The following OR1B1 variants were observed in gnomAD, a reference collection of about 807,000 sequenced individuals.
The protein encoded by OR1B1 is olfactory receptor 1B1.
For missense variants in OR1B1, 414 were observed against 402.1 expected (o/e 1.03, Z -0.25); for synonymous variants, 168 against 156.2 (o/e 1.08, Z -0.57).
upstream of OR1B1, among the ~76,000 whole-genome samples, chr9:122,631,970 C>G (rs535758807): frequency 2.6e-4 from 40 of 152,096 alleles, no homozygotes; most frequent in African/African-American, 8.7e-4. Flanking sequence ...TTCTAGAACT[C>G]TCAAAATAAA....
At chr9:122,636,846 G>A in the OR1B1 span, among the ~76,000 whole-genome samples, 1 of 152,210 alleles carries the variant, frequency 6.6e-6, no homozygotes, top group South Asian at 2.1e-4. Flanking sequence ...TTAACTATGT[G>A]ATCTTAAGCA....
At chr9:122,636,618 A>G in the OR1B1 span, among the ~76,000 whole-genome samples, 1 of 152,078 alleles carries the variant, frequency 6.6e-6, no homozygotes, top group Non-Finnish European at 1.5e-5. Context: ...CTCTGTCTCA[A>G]AAATAAATAA....
chr9:122,629,434 C>T, exon 1 of OR1B1: 1 of 1,613,894 alleles, frequency 6.2e-7, no homozygotes, highest in South Asian at 1.1e-5. Flanking sequence ...GGTAAATAGC[C>T]AGGAACAGGA....
the OR1B1 span, among the ~76,000 whole-genome samples, chr9:122,636,289 T>A: frequency 2.0e-5 from 3 of 152,224 alleles, no homozygotes; most frequent in Non-Finnish European, 2.9e-5. Flanking sequence ...TATGAACCCA[T>A]GTAGATACAC....
upstream of OR1B1, among the ~76,000 whole-genome samples, chr9:122,630,568 A>C (rs1467276534): frequency 2.0e-5 from 3 of 152,250 alleles, no homozygotes; most frequent in African/African-American, 4.8e-5. Flanking sequence ...AACTTTCAAT[A>C]TGTGACTCCT....
chr9:122,633,798 G>T (rs1292184890), upstream of OR1B1, among the ~76,000 whole-genome samples: 1 of 151,464 alleles, frequency 6.6e-6, no homozygotes, highest in Non-Finnish European at 1.5e-5. Context: ...GGCATGGTGG[G>T]ACATGCCTGT....
the OR1B1 span, among the ~76,000 whole-genome samples, chr9:122,640,228 A>G: frequency 1.3e-4 from 20 of 152,054 alleles, no homozygotes; most frequent in African/African-American, 4.1e-4. Flanking sequence ...CTATAATACT[A>G]TAAAATTATT....
chr9:122,629,337 C>T, exon 1 of OR1B1: 1 of 1,614,054 alleles, frequency 6.2e-7, no homozygotes, highest in East Asian at 2.2e-5. Flanking sequence ...ACAGAGAGGC[C>T]ACGAAGCAGA....
At chr9:122,629,201 G>C in exon 1 of OR1B1, 1 of 1,614,096 alleles carries the variant, frequency 6.2e-7, no homozygotes, top group Non-Finnish European at 8.5e-7. Context: ...AAGTGTATCT[G>C]TAACCCCAAA....
chr9:122,635,614 A>C, the OR1B1 span, among the ~76,000 whole-genome samples: 1 of 152,238 alleles, frequency 6.6e-6, no homozygotes, highest in Non-Finnish European at 1.5e-5. Context: ...GTATGTGTAC[A>C]TTAAAACCTT....
the OR1B1 span, among the ~76,000 whole-genome samples, chr9:122,636,443 A>T: frequency 6.6e-6 from 1 of 152,096 alleles, no homozygotes; most frequent in East Asian, 1.9e-4. Context: ...GGTGAAACCC[A>T]GTCTCTACCA....
upstream of OR1B1, among the ~76,000 whole-genome samples, chr9:122,631,474 G>A (rs1830202770): frequency 6.6e-6 from 1 of 152,292 alleles, no homozygotes; most frequent in South Asian, 2.1e-4. Flanking sequence ...ACCATGCCCA[G>A]CCAATAACAT....
At chr9:122,647,033 T>C in the OR1B1 span, among the ~76,000 whole-genome samples, 3 of 152,268 alleles carry the variant, frequency 2.0e-5, no homozygotes, top group African/African-American at 7.2e-5. Flanking sequence ...ATTGGACAGA[T>C]CTCTCAGACA....
the OR1B1 span, among the ~76,000 whole-genome samples, chr9:122,645,343 AAG>A: frequency 6.6e-6 from 1 of 152,062 alleles, no homozygotes; most frequent in East Asian, 1.9e-4. Context: ...AGGAGGTAGA[AAG>A]AGAGAAAGAG....
chr9:122,639,653 T>G, the OR1B1 span: 1 of 151,852 alleles, frequency 6.6e-6, no homozygotes, highest in Non-Finnish European at 1.5e-5. Context: ...GTTGGAAGAA[T>G]TAAATAAAAT....
the OR1B1 span, among the ~76,000 whole-genome samples, chr9:122,648,009 T>C: frequency 1.3e-5 from 2 of 152,194 alleles, no homozygotes; most frequent in Non-Finnish European, 2.9e-5. Flanking sequence ...AGTTAGCTAA[T>C]GCATTCTCCC....
chr9:122,631,361 T>C (rs944014295), upstream of OR1B1, among the ~76,000 whole-genome samples: 2 of 150,496 alleles, frequency 1.3e-5, no homozygotes, highest in African/African-American at 2.4e-5. Context: ...GTATTTTTAG[T>C]AGAGACGGGG....
chr9:122,655,550 G>A, the OR1B1 span, among the ~76,000 whole-genome samples: 2 of 152,134 alleles, frequency 1.3e-5, no homozygotes, highest in African/African-American at 4.8e-5. Context: ...GGACATGGAT[G>A]GAGCTGGAAG....
chr9:122,631,228 G>A (rs1311169860), upstream of OR1B1, among the ~76,000 whole-genome samples: 1 of 151,558 alleles, frequency 6.6e-6, no homozygotes, highest in Non-Finnish European at 1.5e-5. Context: ...CCAGGCTGGA[G>A]TGCAGTGGCA....
Sources: gnomAD v4.1 joint callset for allele counts (sites outside exome capture counted in the v4.1 genomes callset) on GRCh38, gnomAD v4.1.1 for gene constraint, MANE v1.5 for transcripts, NCBI Gene and HGNC (gene_info 2026-07-23, HGNC 2026-07-21) for gene names.